The following INKA2 variants were observed in gnomAD, a reference collection of about 807,000 sequenced individuals.
The protein encoded by INKA2 is inka box actin regulator 2.
A neutral mutation model predicts 9.8 loss-of-function variants in INKA2; 3 were observed. That is an observed-to-expected ratio of 0.31 (90% CI 0.14 to 0.79). The LOEUF is 0.79. Among genes scored for constraint, INKA2 ranks in the 30% least tolerant of loss-of-function variants. The probability of loss-of-function intolerance (pLI) is 0.62; values close to 1 mark genes in which losing one functional copy is unlikely to be tolerated. For synonymous variants in INKA2, 147 were observed against 143.3 expected (o/e 1.03, Z -0.18); for missense variants, 392 against 384.4 (o/e 1.02, Z -0.17).
upstream of INKA2, among the ~76,000 whole-genome samples, chr1:111,743,230 T>C (rs1198447500): frequency 6.6e-6 from 1 of 152,198 alleles, no homozygotes; most frequent in Non-Finnish European, 1.5e-5. Flanking sequence ...GATGAGGTTA[T>C]CTCATTCGAA....
upstream of INKA2, among the ~76,000 whole-genome samples, chr1:111,742,498 T>C (rs1208456428): frequency 6.6e-6 from 1 of 152,188 alleles, no homozygotes; most frequent in Admixed American, 6.5e-5. Context: ...GGCAGTAGAA[T>C]CGCCTGAACC....
chr1:111,738,952 C>G lies in INKA2; in HGVS notation c.57+234G>C, dbSNP rs528735268. Among the ~76,000 whole-genome samples, 117 of 152,324 alleles carry G rather than the reference C, an allele frequency of 7.7e-4. 1 individual carries two copies. The highest frequency in any genetic ancestry group is 6.8e-3 in the Middle Eastern group (2 of 294). Reference sequence around the variant, plus strand: ...TTTCAGCCTGGCTGGCTTGCTCCCTCTGTCTCTCTGTCACTTGTTCTTGTC... The same window carrying G: ...TTTCAGCCTGGCTGGCTTGCTCCCTGTGTCTCTCTGTCACTTGTTCTTGTC... On this transcript the variant is annotated intron_variant, in intron 1 of 1. Transcript: ENST00000357260.
At chr1:111,740,771 G>A (rs1191927873), upstream of INKA2, among the ~76,000 whole-genome samples, 1 of 151,964 alleles carries the variant, frequency 6.6e-6, no homozygotes. Flanking sequence ...TCAGGAGTTC[G>A]AGACCAGCCT....
intron 1 of INKA2, among the ~76,000 whole-genome samples, chr1:111,748,955 A>G (rs1039503995): frequency 1.3e-5 from 2 of 152,234 alleles, no homozygotes; most frequent in African/African-American, 2.4e-5. Flanking sequence ...AAGGAGGGAA[A>G]CAGGCTCTGG....
At chr1:111,731,579 T>TCAAGCCATCCTCCC (rs1662905988) in intron 1 of INKA2, among the ~76,000 whole-genome samples, 2 of 152,174 alleles carry the variant, frequency 1.3e-5, no homozygotes, top group South Asian at 4.1e-4. Context: ...CTCGAACTCC[T>TCAAGCCATCCTCCC]GGACTCAAGC....
At chr1:111,755,645 C>CG in intron 1 of INKA2, 3 of 1,597,970 alleles carry the variant, frequency 1.9e-6, no homozygotes, top group Non-Finnish European at 2.6e-6. Context: ...AGAGGCGGGG[C>CG]GGTGCCCCCA....
At chr1:111,755,723 C>T in exon 1 of INKA2, 3 of 1,613,934 alleles carry the variant, frequency 1.9e-6, no homozygotes, top group South Asian at 1.1e-5. Context: ...CTTTCCTCTC[C>T]TCCCTCTTGG....
At chr1:111,753,824 C>G (rs1663461285) in intron 1 of INKA2, 1 of 152,098 alleles carries the variant, frequency 6.6e-6, no homozygotes, top group African/African-American at 2.4e-5. Flanking sequence ...AGTAACCAAG[C>G]AAATACAACA....
At chr1:111,729,552 GT>G (rs1225755209) in intron 1 of INKA2, among the ~76,000 whole-genome samples, 1 of 152,222 alleles carries the variant, frequency 6.6e-6, no homozygotes, top group Non-Finnish European at 1.5e-5. Context: ...CATTCACAAG[GT>G]TCCCAGTTCC....
chr1:111,722,784 CAGA>C lies in INKA2; in HGVS notation c.*4181_*4183del, dbSNP rs1557905644. 2.6e-6 allele frequency: 1 copy of C among 384,874 alleles called. No homozygotes were observed. The highest frequency in any genetic ancestry group is 4.7e-6 in the Non-Finnish European group (1 of 212,376). 23.8% of individuals were successfully genotyped at this position (384,874 alleles called of 1,614,324 possible). A position where few individuals can be genotyped will look rare whatever the true frequency, so the allele number is the denominator to read the frequency against. On this transcript the variant is annotated 3_prime_UTR_variant, in exon 2 of 2. Transcript: ENST00000357260. ...TATTAAATCAATATAAATGTTTCGA[CAGA>C]AGAAGAGACCAACGCTCAGAGAAAG...
intron 1 of INKA2, 43 bp from the exon 2 acceptor site, chr1:111,727,847 G>A (rs1324442246): frequency 6.3e-7 from 1 of 1,579,752 alleles, no homozygotes; most frequent in Non-Finnish European, 8.6e-7. Context: ...AGCCACAGTG[G>A]GCAGCAGTGC....
intron 1 of INKA2, among the ~76,000 whole-genome samples, chr1:111,731,669 A>C (rs1662907305): frequency 6.6e-6 from 1 of 152,204 alleles, no homozygotes; most frequent in South Asian, 2.1e-4. Flanking sequence ...TCCACTCTTT[A>C]AAATGGGAAT....
In INKA2 at chr1:111,739,177, C is replaced by A. The variant is rs552811222; in HGVS notation, c.57+9G>T. On this transcript the variant is annotated intron_variant, in intron 1 of 1. Transcript: ENST00000357260. ...GCCCTCCCTGCCCCGGCGCCAGCTT[C>A]GCTCTTACCAGCTCCTGTTTGAGGC... The A allele has an allele frequency of 9.9e-6, 16 of 1,613,252 alleles. No individual in the cohort carries two copies. In the African/African-American group the frequency reaches 2.0e-4, roughly 20 times the overall value.
chr1:111,728,991 G>A (rs576573792), intron 1 of INKA2, among the ~76,000 whole-genome samples: 1 of 147,552 alleles, frequency 6.8e-6, no homozygotes, highest in Non-Finnish European at 1.5e-5. Context: ...ATAGTGGACG[G>A]CAGCCTCTAA....
intron 1 of INKA2, among the ~76,000 whole-genome samples, chr1:111,733,407 C>G (rs543217932): frequency 6.6e-6 from 1 of 152,182 alleles, no homozygotes; most frequent in South Asian, 2.1e-4. Context: ...TCCAGGCCAA[C>G]GAGCTTTCCA....
intron 1 of INKA2, chr1:111,754,466 T>C (rs1663482839): frequency 6.6e-6 from 1 of 152,208 alleles, no homozygotes. Flanking sequence ...TTATAATCTA[T>C]GGACAAAGTT....
chr1:111,726,221 G>A lies in INKA2; in HGVS notation c.*747C>T, dbSNP rs553642379. The A allele has an allele frequency of 3.4e-4, 132 of 393,946 alleles. 1 individual carries two copies. In the South Asian group the frequency reaches 0.017, roughly 50 times the overall value. The allele number at this position is 393,946 out of a possible 1,614,324, so 24.4% of individuals were successfully genotyped here. A position where few individuals can be genotyped will look rare whatever the true frequency, so the allele number is the denominator to read the frequency against. Reference sequence around the variant, plus strand: ...CTGCCTGCCTCGCTCACTTTCAAATGAGACCATGGAGATGAAAAGGCATTC... The same window carrying A: ...CTGCCTGCCTCGCTCACTTTCAAATAAGACCATGGAGATGAAAAGGCATTC... On this transcript the variant is annotated 3_prime_UTR_variant, in exon 2 of 2. Coordinates refer to ENST00000357260, the MANE Select transcript of INKA2 (RefSeq NM_019099.5).
intron 1 of INKA2, among the ~76,000 whole-genome samples, chr1:111,750,851 C>T (rs1408401568): frequency 6.6e-6 from 1 of 152,196 alleles, no homozygotes; most frequent in Non-Finnish European, 1.5e-5. Context: ...TGAGGTGCTC[C>T]TTAATATAGG....
chr1:111,745,628 G>C (rs947718855), intron 1 of INKA2: 7 of 152,028 alleles, frequency 4.6e-5, no homozygotes, highest in Non-Finnish European at 8.8e-5. Flanking sequence ...TTTGAACTAC[G>C]AAGAACACGT....
Sources: allele counts gnomAD v4.1 joint callset (sites outside exome capture counted in the v4.1 genomes callset), GRCh38; gene constraint gnomAD v4.1.1; transcripts MANE v1.5; gene names NCBI Gene and HGNC (gene_info 2026-07-23, HGNC 2026-07-21).